Variants in CLDN16 observed in about 807,000 individuals in gnomAD.
The protein encoded by CLDN16 is claudin-16.
Under a neutral mutation model 24.6 loss-of-function variants are expected in CLDN16, and 13 were observed. That is an observed-to-expected ratio of 0.53 (90% CI 0.34 to 0.84). The LOEUF (loss-of-function observed/expected upper bound fraction) is 0.84, where lower values mean the gene tolerates loss of function less well. CLDN16 is among the 40% of genes least tolerant of loss of function. CLDN16 has a pLI of 0.01. For missense variants in CLDN16, 298 were observed against 292.7 expected (o/e 1.02, Z -0.13); for synonymous variants, 116 against 106.7 (o/e 1.09, Z -0.54).
intron 1 of CLDN16, among the ~76,000 whole-genome samples, chr3:190,322,986 C>G (rs2108617514): frequency 1.7e-5 from 2 of 114,362 alleles, no homozygotes; most frequent in South Asian, 5.5e-4. Flanking sequence ...GAAACAGACC[C>G]AGAGAGCAAC....
the CLDN16 span, chr3:190,308,119 G>T: frequency 1.2e-6 from 1 of 836,746 alleles, no homozygotes. Context: ...GTTTAGCACT[G>T]AGTATTTTAA....
the CLDN16 span, among the ~76,000 whole-genome samples, chr3:190,303,776 T>A: frequency 6.6e-6 from 1 of 152,164 alleles, no homozygotes; most frequent in African/African-American, 2.4e-5. Flanking sequence ...TGACTATTCT[T>A]TGGAGGTAAA....
chr3:190,361,494 G>C (rs1022054084), intron 1 of CLDN16, among the ~76,000 whole-genome samples: 3 of 151,884 alleles, frequency 2.0e-5, no homozygotes, highest in Non-Finnish European at 2.9e-5. Flanking sequence ...CTCCCTTCTT[G>C]ACTTGGCACC....
the CLDN16 span, among the ~76,000 whole-genome samples, chr3:190,301,172 T>A: frequency 1.3e-5 from 2 of 152,266 alleles, no homozygotes; most frequent in Admixed American, 1.3e-4. Context: ...TGGACATCTC[T>A]ACTTGGATGC....
chr3:190,304,666 T>C, the CLDN16 span, among the ~76,000 whole-genome samples: 1 of 151,608 alleles, frequency 6.6e-6, no homozygotes, highest in Non-Finnish European at 1.5e-5. Flanking sequence ...GAAGAGATTT[T>C]AGGGCAGGCT....
chr3:190,377,754 G>A (rs569371587), intron 3 of CLDN16, among the ~76,000 whole-genome samples: 36 of 152,026 alleles, frequency 2.4e-4, no homozygotes, highest in Admixed American at 2.0e-3. Flanking sequence ...GAGGGTGAGC[G>A]GGCACCCTCT....
intron 3 of CLDN16, among the ~76,000 whole-genome samples, chr3:190,380,931 G>C (rs1378950549): frequency 6.6e-6 from 1 of 152,046 alleles, no homozygotes; most frequent in Non-Finnish European, 1.5e-5. Context: ...CAGGGTTCCC[G>C]GTACCAGAGC....
intron 2 of CLDN16, chr3:190,371,143 A>G (rs1384313377): frequency 6.7e-6 from 1 of 149,392 alleles, no homozygotes; most frequent in African/African-American, 2.4e-5. Flanking sequence ...ACCTCTATGG[A>G]CTATCCTATT....
At chr3:190,353,113 G>A (rs1483262867) in intron 1 of CLDN16, among the ~76,000 whole-genome samples, 1 of 152,014 alleles carries the variant, frequency 6.6e-6, no homozygotes, top group Admixed American at 6.6e-5. Flanking sequence ...ACTCCAAAGA[G>A]TTATCATGAG....
At chr3:190,303,051 T>G in the CLDN16 span, among the ~76,000 whole-genome samples, 1 of 152,048 alleles carries the variant, frequency 6.6e-6, no homozygotes, top group Admixed American at 6.6e-5. Context: ...TATTTCCACT[T>G]TTCTGTATTT....
upstream of CLDN16, chr3:190,387,911 G>C (rs1718545707): frequency 3.4e-6 from 2 of 594,936 alleles, no homozygotes; most frequent in Non-Finnish European, 6.0e-6. Context: ...ACTCTCCCTA[G>C]AGGGCCTAAG....
chr3:190,298,612 C>T, the CLDN16 span, among the ~76,000 whole-genome samples: 10 of 152,062 alleles, frequency 6.6e-5, no homozygotes, highest in Non-Finnish European at 1.2e-4. Flanking sequence ...TGTGCCACCA[C>T]GCCCAGCTAA....
At chr3:190,400,076 T>C (rs1244990780) in intron 1 of CLDN16, among the ~76,000 whole-genome samples, 3 of 152,108 alleles carry the variant, frequency 2.0e-5, no homozygotes, top group Non-Finnish European at 2.9e-5. Context: ...ACGAAACCGG[T>C]CCCTGGTGCC....
intron 3 of CLDN16, among the ~76,000 whole-genome samples, chr3:190,407,863 G>A (rs1482809419): frequency 6.6e-6 from 1 of 152,150 alleles, no homozygotes; most frequent in Non-Finnish European, 1.5e-5. Context: ...GGTACAGGGA[G>A]CATTAAATAC....
In CLDN16 at chr3:190,350,344, T is replaced by TATATA. The variant is rs1560085135; in HGVS notation, n.122-20549_122-20548insATATA. 9.2e-4 allele frequency among the ~76,000 whole-genome samples: 130 copies of TATATA among 142,060 alleles called. 1 individual carries two copies. Among genetic ancestry groups the TATATA allele is most frequent in the South Asian group, 3.5e-3 (16 of 4,574 alleles). The allele number at this position is 142,060 out of a possible 152,430, so 93.2% of individuals were successfully genotyped here. A position where few individuals can be genotyped will look rare whatever the true frequency, so the allele number is the denominator to read the frequency against. ...AGTTTAAGAATCATAGTTCATAATGTTATATATATATATATATATATACTT... is the reference window on the plus strand; with the variant it reads ...AGTTTAAGAATCATAGTTCATAATGTATATATATATATATATATATATATATACTT... On this transcript the variant is annotated intron_variant and non_coding_transcript_variant, in intron 1 of 4. Coordinates refer to the CLDN16 transcript ENST00000468220.
chr3:190,351,578 A>G (rs1286499902), intron 1 of CLDN16, among the ~76,000 whole-genome samples: 1 of 152,198 alleles, frequency 6.6e-6, no homozygotes, highest in Non-Finnish European at 1.5e-5. Flanking sequence ...CCATTTAGTA[A>G]ACATTGAATT....
upstream of CLDN16, chr3:190,321,956 G>C (rs1252851086): frequency 1.3e-6 from 2 of 1,594,230 alleles, no homozygotes; most frequent in East Asian, 2.2e-5. Context: ...GCCTCTGGAC[G>C]GCCGCTGTGA....
chr3:190,302,779 A>AAAAAAAAAT, the CLDN16 span, among the ~76,000 whole-genome samples: 1 of 140,180 alleles, frequency 7.1e-6, no homozygotes. Context: ...CTCAAAAAAA[A>AAAAAAAAAT]ATATATATAT....
rs114333237 is a variant in CLDN16 at position 190,346,867 on chromosome 3, T to C, written n.122-24026T>C. ...TGCCCATGTTTCTGTGTCCAAATTG[T>C]TCTCTCCTTATAAGGACATCAGTTA... is the stretch of plus-strand genomic sequence containing the variant. On this transcript the variant is annotated intron_variant and non_coding_transcript_variant, in intron 1 of 4. Coordinates refer to the CLDN16 transcript ENST00000468220. Among the ~76,000 whole-genome samples the C allele has an allele frequency of 9.1e-3, 1,386 of 152,286 alleles. 31 individuals carry two copies. The highest frequency in any genetic ancestry group is 0.032 in the African/African-American group (1,331 of 41,546).
Sources: allele counts gnomAD v4.1 joint callset (sites outside exome capture counted in the v4.1 genomes callset), GRCh38; gene constraint gnomAD v4.1.1; transcripts MANE v1.5; gene names NCBI Gene and HGNC (gene_info 2026-07-23, HGNC 2026-07-21).